Variants in SAXO1 observed in about 807,000 individuals in gnomAD.
SAXO1 encodes 4930500O09Rik.
In SAXO1, 21 loss-of-function variants were observed where a neutral mutation model predicts 17.5. The ratio of observed to expected loss-of-function variants is 1.20; its 90% CI spans 0.85 to 1.72. The LOEUF (loss-of-function observed/expected upper bound fraction) is 1.72. Ranked by LOEUF, SAXO1 falls within the 40% of genes most tolerant of loss-of-function variation. SAXO1 has a pLI of 0.00. For synonymous variants in SAXO1, 274 were observed against 216.5 expected, an observed-to-expected ratio of 1.27 and a Z score of -2.33; for missense variants, 843 against 596.0, an observed-to-expected ratio of 1.41 and a Z score of -4.32.
intron 1 of SAXO1, among the ~76,000 whole-genome samples, chr9:19,028,754 G>A (rs1023061821): frequency 5.9e-5 from 9 of 152,036 alleles, no homozygotes; most frequent in Non-Finnish European, 1.3e-4. Context: ...AAATATGTCT[G>A]ATTTTTTTTT....
At chr9:18,959,092 G>T (rs1261087258) in intron 1 of SAXO1, among the ~76,000 whole-genome samples, 12 of 152,280 alleles carry the variant, frequency 7.9e-5, no homozygotes, top group African/African-American at 2.9e-4. Flanking sequence ...AGCTTTAGTA[G>T]AGCCGCTGGG....
chr9:18,998,283 T>C (rs754363439), intron 1 of SAXO1, among the ~76,000 whole-genome samples: 3 of 152,044 alleles, frequency 2.0e-5, no homozygotes, highest in Non-Finnish European at 4.4e-5. Context: ...ACCTCGTGGA[T>C]CTGAAAACCA....
intron 1 of SAXO1, among the ~76,000 whole-genome samples, chr9:19,038,678 G>A (rs1422228563): frequency 2.0e-5 from 3 of 151,444 alleles, no homozygotes; most frequent in African/African-American, 4.9e-5. Flanking sequence ...AATGGGTGCA[G>A]TACACCAGCA....
intron 1 of SAXO1, among the ~76,000 whole-genome samples, chr9:19,029,093 T>C (rs185975219): frequency 1.3e-5 from 2 of 152,326 alleles, no homozygotes; most frequent in Non-Finnish European, 1.5e-5. Flanking sequence ...CATTGGTGGC[T>C]TTTCCTCAGC....
intron 1 of SAXO1, among the ~76,000 whole-genome samples, chr9:18,978,937 A>G (rs1418876930): frequency 6.6e-6 from 1 of 152,232 alleles, no homozygotes; most frequent in South Asian, 2.1e-4. Flanking sequence ...CAGTTGAAAA[A>G]TAAGAAAGAC....
In SAXO1 at chr9:18,988,753, T is replaced by C. The variant is rs1833692280; in HGVS notation, c.39-37816A>G. Among the ~76,000 whole-genome samples, 3 of 152,224 alleles carry C rather than the reference T, an allele frequency of 2.0e-5. No homozygotes were observed. The South Asian group carries it at 6.2e-4, about 32-fold the overall frequency. On this transcript the variant is annotated intron_variant, in intron 1 of 3. Transcript: ENST00000380534. ...TATCTTTACTTTTATAATATATTAG[T>C]AACCACATGTATGATTTATGTGATG... is the stretch of plus-strand genomic sequence containing the variant.
At position 18,928,538 on chromosome 9, in the gene SAXO1, G is replaced by T. The variant is rs34932739; in HGVS notation, c.939C>A (p.Cys313Ter). 4 of 1,614,046 alleles carry T rather than the reference G, an allele frequency of 2.5e-6. No individual in the cohort carries two copies. Among genetic ancestry groups the T allele is most frequent in the Non-Finnish European group, 2.5e-6 (3 of 1,179,962 alleles). Residue 313 changes from cysteine to a stop codon, truncating the protein, a stop_gained, in exon 4 of 4, where the codon TGC (cysteine) becomes TGA (stop). Coordinates refer to ENST00000380534, the MANE Select transcript of SAXO1 (RefSeq NM_153707.4). LOFTEE classifies it low-confidence loss of function (END_TRUNC). ...AGGACTGAGCTGGGGCACCCTTAGGGCATGTGTAATGGGCCTGCACTGTTG... is the reference window on the plus strand; with the variant it reads ...AGGACTGAGCTGGGGCACCCTTAGGTCATGTGTAATGGGCCTGCACTGTTG... Reference protein sequence around the residue: ...LLTTVQAHYTCPKGAPAQSCR... With the variant: ...LLTTVQAHYT
chr9:18,930,874 G>A (rs77411577), intron 3 of SAXO1, among the ~76,000 whole-genome samples: 1,580 of 152,234 alleles, frequency 0.01, 27 homozygotes, highest in African/African-American at 0.036. Context: ...TAAATTACCA[G>A]ATTTAAATTA....
chr9:18,981,689 A>C (rs1327324445), intron 1 of SAXO1, among the ~76,000 whole-genome samples: 5 of 152,330 alleles, frequency 3.3e-5, no homozygotes, highest in African/African-American at 1.2e-4. Flanking sequence ...ATGTGCCAGG[A>C]GCTCTGCCAA....
rs1374302658 is a variant in SAXO1 at position 19,049,080 on chromosome 9, C to CA, written c.-158+128dup. On this transcript the variant is annotated intron_variant, in intron 1 of 3. Coordinates refer to the SAXO1 transcript ENST00000542071. This position sits in a 1 kb window ranked among gnomAD's most constrained non-coding sequence, Gnocchi z 5.4. Reference sequence around the variant, plus strand: ...AAGTTAGGCTTTCCCTCCACTTCACCAGTCGGCTGCCCCTGCGGAAACCGG... The same window carrying CA: ...AAGTTAGGCTTTCCCTCCACTTCACCAAGTCGGCTGCCCCTGCGGAAACCGG... 3 of 152,636 alleles carry CA rather than the reference C, an allele frequency of 2.0e-5. No individual in the cohort carries two copies. Among genetic ancestry groups the CA allele is most frequent in the African/African-American group, 7.2e-5 (3 of 41,456 alleles). 9.5% of individuals were successfully genotyped at this position (152,636 alleles called of 1,614,324 possible). A position where few individuals can be genotyped will look rare whatever the true frequency, so the allele number is the denominator to read the frequency against.
intron 1 of SAXO1, among the ~76,000 whole-genome samples, chr9:18,955,669 T>G (rs1295280550): frequency 6.6e-6 from 1 of 152,210 alleles, no homozygotes; most frequent in Non-Finnish European, 1.5e-5. Context: ...CTTTCTTACT[T>G]CCATAATTCA....
intron 1 of SAXO1, among the ~76,000 whole-genome samples, chr9:19,004,558 C>G (rs1244212887): frequency 6.6e-6 from 1 of 151,282 alleles, no homozygotes; most frequent in African/African-American, 2.4e-5. Context: ...GACTTCATGT[C>G]TTTTTCATGG....
chr9:19,020,225 A>T (rs1835165174), intron 1 of SAXO1, among the ~76,000 whole-genome samples: 1 of 152,204 alleles, frequency 6.6e-6, no homozygotes, highest in Admixed American at 6.5e-5. Context: ...AAAGGCCAAG[A>T]TAAACCACCT....
chr9:18,937,047 A>T (rs1831325818), intron 3 of SAXO1, among the ~76,000 whole-genome samples: 1 of 152,238 alleles, frequency 6.6e-6, no homozygotes, highest in Admixed American at 6.5e-5. Flanking sequence ...TTTGGGTGGT[A>T]GAGGAGGAAG....
chr9:19,047,711 A>ATT, intron 1 of SAXO1, among the ~76,000 whole-genome samples: 1 of 152,342 alleles, frequency 6.6e-6, no homozygotes, highest in South Asian at 2.1e-4. Flanking sequence ...CAAGACTCTG[A>ATT]GGAAAAATTA....
chr9:18,992,097 T>G (rs184266130), intron 1 of SAXO1, among the ~76,000 whole-genome samples: 1 of 152,184 alleles, frequency 6.6e-6, no homozygotes, highest in Non-Finnish European at 1.5e-5. Flanking sequence ...TCCCATTCTA[T>G]AGATAAGGGA....
At chr9:19,028,186 G>A (rs1212681048) in intron 1 of SAXO1, 3 of 1,250,662 alleles carry the variant, frequency 2.4e-6, no homozygotes, top group Non-Finnish European at 2.3e-6. Flanking sequence ...ATAAAAGATG[G>A]TTTAGAGGCA....
intron 1 of SAXO1, among the ~76,000 whole-genome samples, chr9:19,025,841 G>A (rs1041911243): frequency 2.6e-5 from 4 of 151,712 alleles, no homozygotes; most frequent in African/African-American, 9.7e-5. Context: ...AGGGAGATTT[G>A]CTATTTATAT....
chr9:19,035,941 T>A (rs1835923592), upstream of SAXO1, among the ~76,000 whole-genome samples: 2 of 152,120 alleles, frequency 1.3e-5, no homozygotes, highest in Non-Finnish European at 2.9e-5. Flanking sequence ...CACAAAAGTT[T>A]GGAAAATTTG....
Sources: allele counts gnomAD v4.1 joint callset (sites outside exome capture counted in the v4.1 genomes callset), GRCh38; gene constraint gnomAD v4.1.1; non-coding constraint Gnocchi (gnomAD v3.1); transcripts MANE v1.5; gene names NCBI Gene and HGNC (gene_info 2026-07-23, HGNC 2026-07-21).